The following USP45 variants were observed in gnomAD, a reference collection of about 807,000 sequenced individuals.
The protein encoded by USP45 is ubiquitin specific peptidase 45.
USP45 carries 89 observed loss-of-function variants against 95.8 expected under a neutral mutation model. The observed-to-expected ratio is 0.93, with a 90% CI of 0.78 to 1.11. The LOEUF is 1.11. Ranked by LOEUF, USP45 falls within the 50% of genes least tolerant of loss-of-function variation. The pLI, the probability that USP45 is intolerant of heterozygous loss-of-function variation, is 0.00. For missense variants in USP45, 898 were observed against 942.5 expected (o/e 0.95, Z 0.62); for synonymous variants, 281 against 316.2 (o/e 0.89, Z 1.18).
chr6:99,458,334 G>A (rs1188205688), intron 13 of USP45, among the ~76,000 whole-genome samples: 2 of 152,004 alleles, frequency 1.3e-5, no homozygotes, highest in African/African-American at 2.4e-5. Flanking sequence ...CAGCTATTAC[G>A]ATTGGCAGCA....
chr6:99,512,832 TC>T (rs5878583), intron 1 of USP45, among the ~76,000 whole-genome samples: 78,137 of 151,894 alleles, frequency 0.51, 21,285 homozygotes, highest in Middle Eastern at 0.69. Context: ...TCATCTACTC[TC>T]CCCTACAGTT....
chr6:99,454,921 C>T (rs2128588207), intron 13 of USP45, among the ~76,000 whole-genome samples: 1 of 151,770 alleles, frequency 6.6e-6, no homozygotes, highest in Middle Eastern at 3.4e-3. Flanking sequence ...AACCCTGTCT[C>T]TACCAAAAAT....
At chr6:99,497,346 G>A (rs1020916719) in intron 5 of USP45, among the ~76,000 whole-genome samples, 2 of 152,124 alleles carry the variant, frequency 1.3e-5, no homozygotes, top group African/African-American at 4.8e-5. Flanking sequence ...GGGAACCTGA[G>A]CTGGGGTTCA....
intron 1 of USP45, among the ~76,000 whole-genome samples, chr6:99,511,853 A>AG (rs1420047851): frequency 6.0e-4 from 9 of 15,116 alleles, no homozygotes; most frequent in African/African-American, 2.0e-3. Flanking sequence ...GTGTATATAT[A>AG]TATATATATA....
At chr6:99,505,141 G>C (rs1252912133) in intron 4 of USP45, among the ~76,000 whole-genome samples, 1 of 152,194 alleles carries the variant, frequency 6.6e-6, no homozygotes, top group Non-Finnish European at 1.5e-5. Context: ...AAGACTCAAA[G>C]AAATAGCTGT....
intron 13 of USP45, among the ~76,000 whole-genome samples, chr6:99,450,662 G>T (rs1167036293): frequency 6.6e-6 from 1 of 152,158 alleles, no homozygotes; most frequent in African/African-American, 2.4e-5. Flanking sequence ...GAAAAAGAGG[G>T]AATCTTTCCT....
chr6:99,469,990 G>A (rs1019579699), intron 9 of USP45, among the ~76,000 whole-genome samples: 3 of 152,106 alleles, frequency 2.0e-5, no homozygotes, highest in African/African-American at 7.2e-5. Flanking sequence ...AGGAAAAAAA[G>A]AGCATAAAGG....
chr6:99,471,458 A>G (rs1443209089), intron 9 of USP45, among the ~76,000 whole-genome samples: 1 of 152,198 alleles, frequency 6.6e-6, no homozygotes, highest in Non-Finnish European at 1.5e-5. Context: ...CCAAAAATAT[A>G]TTACAGTAAT....
intron 16 of USP45, 34 bp from the exon 17 acceptor site, chr6:99,437,433 T>C: frequency 6.4e-7 from 1 of 1,556,204 alleles, no homozygotes; most frequent in Admixed American, 2.2e-5. Flanking sequence ...AAATTAGTAA[T>C]ATTTGTTAAA....
intron 13 of USP45, among the ~76,000 whole-genome samples, chr6:99,448,243 T>G (rs1211625593): frequency 6.6e-6 from 1 of 152,150 alleles, no homozygotes; most frequent in African/African-American, 2.4e-5. Context: ...AAACTTCTCC[T>G]AGCTAAATGA....
chr6:99,451,041 A>C (rs1783737689), intron 13 of USP45, among the ~76,000 whole-genome samples: 2 of 152,240 alleles, frequency 1.3e-5, no homozygotes, highest in African/African-American at 2.4e-5. Flanking sequence ...ATCTCAAAAT[A>C]ATAAGAGCTA....
intron 13 of USP45, among the ~76,000 whole-genome samples, chr6:99,454,608 G>T (rs554848977): frequency 6.6e-6 from 1 of 152,092 alleles, no homozygotes; most frequent in South Asian, 2.1e-4. Flanking sequence ...AGAGGTATAT[G>T]AAAAAAATGC....
intron 4 of USP45, among the ~76,000 whole-genome samples, chr6:99,506,866 C>T (rs1798639247): frequency 6.6e-6 from 1 of 151,712 alleles, no homozygotes; most frequent in Non-Finnish European, 1.5e-5. Context: ...CCAAAAAAAT[C>T]AACTAAAAAG....
chr6:99,464,441 G>GAT lies in USP45; in HGVS notation c.1308+161_1308+162dup, dbSNP rs1338305096. Among the ~76,000 whole-genome samples, 15 of 152,280 alleles carry GAT rather than the reference G, an allele frequency of 9.9e-5. No individual in the cohort carries two copies. The East Asian group carries it at 2.9e-3, about 29-fold the overall frequency. Reference sequence around the variant, plus strand: ...GGATGGGAGGAAGGGGAGGATGTGGGATATATATAGTTAGTATACAAGTAG... The same window carrying GAT: ...GGATGGGAGGAAGGGGAGGATGTGGGATATATATATAGTTAGTATACAAGTAG... On this transcript the variant is annotated intron_variant, in intron 13 of 17. Coordinates refer to ENST00000500704, the MANE Select transcript of USP45 (RefSeq NM_001346022.3).
At position 99,432,686 on chromosome 6, in the gene USP45, T is replaced by C. The variant is rs1582899597; in HGVS notation, c.*3030A>G. The C allele has an allele frequency of 6.6e-6, 1 of 152,578 alleles. No individual in the cohort carries two copies. The highest frequency in any genetic ancestry group is 2.4e-5 in the African/African-American group (1 of 41,454). 9.5% of individuals were successfully genotyped at this position (152,578 alleles called of 1,614,324 possible). ...TTTTAACAATGCACTAGATACTATC[T>C]AAAGGCTCAATTTTATTGCACATAT... On this transcript the variant is annotated 3_prime_UTR_variant, in exon 18 of 18. Transcript: ENST00000500704.
intron 5 of USP45, among the ~76,000 whole-genome samples, chr6:99,500,315 G>A (rs1423462527): frequency 6.6e-6 from 1 of 152,036 alleles, no homozygotes; most frequent in Non-Finnish European, 1.5e-5. Context: ...AGTAGAGTTG[G>A]GGTTTCACCA....
chr6:99,493,321 C>T (rs372700707), intron 5 of USP45, among the ~76,000 whole-genome samples: 2 of 152,080 alleles, frequency 1.3e-5, no homozygotes, highest in African/African-American at 2.4e-5. Context: ...CCACCACACT[C>T]GGCCAAGCCT....
intron 13 of USP45, among the ~76,000 whole-genome samples, chr6:99,456,628 C>A (rs1027107050): frequency 6.6e-6 from 1 of 152,158 alleles, no homozygotes; most frequent in African/African-American, 2.4e-5. Context: ...AATCAATACC[C>A]TTGTGATTTC....
At position 99,486,508 on chromosome 6, in the gene USP45, A is replaced by C. The variant is rs1467457873; in HGVS notation, c.714+1692T>G. On this transcript the variant is annotated intron_variant, in intron 7 of 17. Coordinates refer to ENST00000500704, the MANE Select transcript of USP45 (RefSeq NM_001346022.3). ...CACTTTATTTAGAATAGGGCATTGG[A>C]ATCTATCATTAAATTTTTAAGGGGC... is the stretch of plus-strand genomic sequence containing the variant. Among the ~76,000 whole-genome samples the C allele has an allele frequency of 2.6e-5, 4 of 152,084 alleles. No individual in the cohort carries two copies. In the East Asian group the frequency reaches 5.8e-4, roughly 22 times the overall value.
Sources: gnomAD v4.1 joint callset for allele counts (sites outside exome capture counted in the v4.1 genomes callset) on GRCh38, gnomAD v4.1.1 for gene constraint, MANE v1.5 for transcripts, NCBI Gene and HGNC (gene_info 2026-07-23, HGNC 2026-07-21) for gene names.